The following CLEC16A variants were observed in gnomAD, a reference collection of about 807,000 sequenced individuals.
CLEC16A encodes the protein protein CLEC16A.
CLEC16A carries 51 observed loss-of-function variants against 109.5 expected under a neutral mutation model. The observed-to-expected ratio is 0.47, with a 90% CI of 0.37 to 0.59. The LOEUF (loss-of-function observed/expected upper bound fraction) is 0.59. CLEC16A is among the 20% of genes least tolerant of loss of function. The probability of loss-of-function intolerance (pLI) is 0.00; values close to 1 mark genes in which losing one functional copy is unlikely to be tolerated. For synonymous variants in CLEC16A, 673 were observed against 564.2 expected, an observed-to-expected ratio of 1.19 and a Z score of -2.73; for missense variants, 1,339 against 1,394.0, an observed-to-expected ratio of 0.96 and a Z score of 0.63.
chr16:11,161,435 C>T (rs749427300), intron 22 of CLEC16A, among the ~76,000 whole-genome samples: 1 of 152,176 alleles, frequency 6.6e-6, no homozygotes, highest in South Asian at 2.1e-4. Flanking sequence ...ACCGAGGGAA[C>T]GGCCTAGCAA....
intron 11 of CLEC16A, among the ~76,000 whole-genome samples, chr16:11,014,517 C>A (rs1408138246): frequency 6.6e-6 from 1 of 152,094 alleles, no homozygotes; most frequent in African/African-American, 2.4e-5. Context: ...TCCTTTTAAG[C>A]TGTATTTAAG....
At chr16:11,027,350 A>C (rs1386434769) in intron 13 of CLEC16A, 1 of 1,411,004 alleles carries the variant, frequency 7.1e-7, no homozygotes, top group Non-Finnish European at 9.9e-7. Context: ...CCATTGCAAG[A>C]CTTTGCCTAA....
chr16:11,143,703 G>T (rs529274817), intron 22 of CLEC16A, among the ~76,000 whole-genome samples: 2 of 152,306 alleles, frequency 1.3e-5, no homozygotes, highest in South Asian at 4.1e-4. Flanking sequence ...GGTCCCCATC[G>T]ATGTGACACC....
intron 18 of CLEC16A, among the ~76,000 whole-genome samples, chr16:11,060,489 G>A (rs535013152): frequency 6.6e-6 from 1 of 152,366 alleles, no homozygotes; most frequent in South Asian, 2.1e-4. Flanking sequence ...GGTTGGGACA[G>A]ACAGACTCAG....
intron 22 of CLEC16A, among the ~76,000 whole-genome samples, chr16:11,158,875 A>G (rs27837): frequency 0.72 from 108,485 of 151,200 alleles, 40,567 homozygotes; most frequent in African/African-American, 0.93. Context: ...AGCCAAGATC[A>G]TGCCACTGCA....
At chr16:11,034,947 G>A (rs554098351) in intron 13 of CLEC16A, among the ~76,000 whole-genome samples, 10 of 152,068 alleles carry the variant, frequency 6.6e-5, no homozygotes, top group Non-Finnish European at 1.5e-4. Context: ...GTGTTTGTGT[G>A]TATGTCCTTG....
chr16:10,984,251 C>G (rs1403151363), intron 10 of CLEC16A, among the ~76,000 whole-genome samples: 1 of 152,170 alleles, frequency 6.6e-6, no homozygotes, highest in Admixed American at 6.5e-5. Context: ...GTATGATGGT[C>G]TGGCCAGGTC....
chr16:11,163,178 C>T (rs747329633), intron 22 of CLEC16A, among the ~76,000 whole-genome samples: 8 of 152,238 alleles, frequency 5.3e-5, no homozygotes, highest in South Asian at 2.1e-4. Context: ...GAGGACAGGG[C>T]GCTCTGGCCA....
chr16:11,156,720 A>G, intron 22 of CLEC16A: 1 of 1,248,480 alleles, frequency 8.0e-7, no homozygotes, highest in Non-Finnish European at 1.1e-6. Flanking sequence ...TGGGCGAGGC[A>G]GGGACTGGGT....
intron 9 of CLEC16A, among the ~76,000 whole-genome samples, chr16:10,980,802 G>A (rs2043278914): frequency 6.6e-6 from 1 of 152,138 alleles, no homozygotes; most frequent in Admixed American, 6.5e-5. Context: ...TAATGAAAAT[G>A]TGACCTAAAT....
At chr16:11,104,865 C>G (rs1327120930) in intron 19 of CLEC16A, among the ~76,000 whole-genome samples, 1 of 152,194 alleles carries the variant, frequency 6.6e-6, no homozygotes, top group Non-Finnish European at 1.5e-5. Flanking sequence ...TAGAGAGACC[C>G]TGACCACATC....
chr16:11,173,172 G>A (rs549294787), intron 23 of CLEC16A, among the ~76,000 whole-genome samples: 2 of 152,178 alleles, frequency 1.3e-5, no homozygotes, highest in South Asian at 4.2e-4. Context: ...GAGTTTTAAG[G>A]ACAGAAACCC....
chr16:11,122,781 TCTGAGGTTTTAGA>T (rs1233166168), intron 20 of CLEC16A, among the ~76,000 whole-genome samples: 1 of 152,160 alleles, frequency 6.6e-6, no homozygotes, highest in Non-Finnish European at 1.5e-5. Context: ...CAGAGTCCGT[TCTGAGGTTTTAGA>T]CTGGTTTGTC....
In CLEC16A at chr16:11,164,083, G is replaced by GAC. The variant is rs148087927; in HGVS notation, c.2642-2291_2642-2290dup. 5.2e-4 allele frequency among the ~76,000 whole-genome samples: 79 copies of GAC among 151,778 alleles called. No homozygotes were observed. The East Asian group carries it at 7.5e-3, about 14-fold the overall frequency. On this transcript the variant is annotated intron_variant, in intron 22 of 23. Coordinates refer to ENST00000409790, the MANE Select transcript of CLEC16A (RefSeq NM_015226.3). ...CCATAGTTCATCTGAGCGGGCCCCCGACACACACACACACAATATATCACA... is the reference window on the plus strand; with the variant it reads ...CCATAGTTCATCTGAGCGGGCCCCCGACACACACACACACACAATATATCACA...
intron 22 of CLEC16A, among the ~76,000 whole-genome samples, chr16:11,127,043 A>C (rs2052874476): frequency 6.6e-6 from 1 of 152,240 alleles, no homozygotes; most frequent in Non-Finnish European, 1.5e-5. Flanking sequence ...TATATACCGT[A>C]GGCATATGAT....
At chr16:10,963,772 G>A (rs2042368279) in intron 3 of CLEC16A, among the ~76,000 whole-genome samples, 1 of 152,212 alleles carries the variant, frequency 6.6e-6, no homozygotes, top group Non-Finnish European at 1.5e-5. Flanking sequence ...TTTCATCCCA[G>A]GCGATTAGCT....
intron 18 of CLEC16A, among the ~76,000 whole-genome samples, chr16:11,053,348 T>C (rs1205682696): frequency 1.3e-5 from 2 of 152,142 alleles, no homozygotes; most frequent in Non-Finnish European, 2.9e-5. Flanking sequence ...GGCACTATTA[T>C]TATCCCCATT....
chr16:11,093,677 G>A (rs1397548712), intron 19 of CLEC16A, among the ~76,000 whole-genome samples: 1 of 152,208 alleles, frequency 6.6e-6, no homozygotes, highest in African/African-American at 2.4e-5. Context: ...CACAGCACAG[G>A]TGGAAGAGGG....
chr16:11,126,437 TTAAA>T (rs2052826210), intron 22 of CLEC16A: 35 of 1,355,450 alleles, frequency 2.6e-5, no homozygotes, highest in Admixed American at 5.7e-5. Context: ...TTGGAAACAT[TTAAA>T]TGATTAGTGC....
Sources: allele counts gnomAD v4.1 joint callset (sites outside exome capture counted in the v4.1 genomes callset), GRCh38; gene constraint gnomAD v4.1.1; transcripts MANE v1.5; gene names NCBI Gene and HGNC (gene_info 2026-07-23, HGNC 2026-07-21).